The following JARID2 variants were observed in gnomAD, a reference collection of about 807,000 sequenced individuals.
JARID2 encodes jumonji and AT-rich interaction domain containing 2.
A neutral mutation model predicts 125.6 loss-of-function variants in JARID2; 21 were observed. The ratio of observed to expected loss-of-function variants is 0.17; its 90% CI spans 0.12 to 0.24. The LOEUF (loss-of-function observed/expected upper bound fraction) is 0.24, where lower values mean the gene tolerates loss of function less well. JARID2 is among the 10% of genes least tolerant of loss of function. The pLI, the probability that JARID2 is intolerant of heterozygous loss-of-function variation, is 1.00. For synonymous variants in JARID2, 736 were observed against 661.6 expected (o/e 1.11, Z -1.73); for missense variants, 1,303 against 1,639.6 (o/e 0.79, Z 3.55).
chr6:15,390,708 G>C (rs1042818479), intron 2 of JARID2, among the ~76,000 whole-genome samples: 28 of 152,114 alleles, frequency 1.8e-4, no homozygotes, highest in Admixed American at 1.6e-3. Context: ...GTTGTCCTTG[G>C]ATCCATGAAT....
At chr6:15,434,353 CAG>C (rs1208626186) in intron 3 of JARID2, among the ~76,000 whole-genome samples, 1 of 152,062 alleles carries the variant, frequency 6.6e-6, no homozygotes, top group Non-Finnish European at 1.5e-5. Flanking sequence ...TGGTATCTTT[CAG>C]AGAGTGTTGC....
chr6:15,268,203 G>C (rs555792814), intron 1 of JARID2, among the ~76,000 whole-genome samples: 3 of 152,294 alleles, frequency 2.0e-5, no homozygotes, highest in East Asian at 3.9e-4. Context: ...CGTAAGGGTA[G>C]AGCTAGATTT....
At chr6:15,359,332 C>T (rs555170368) in intron 1 of JARID2, among the ~76,000 whole-genome samples, 21 of 152,178 alleles carry the variant, frequency 1.4e-4, no homozygotes, top group Non-Finnish European at 2.8e-4. Context: ...GCTTTTCTGA[C>T]GGTATGTCCT....
intron 1 of JARID2, among the ~76,000 whole-genome samples, chr6:15,299,707 G>A (rs1208421370): frequency 6.6e-6 from 1 of 152,148 alleles, no homozygotes; most frequent in Non-Finnish European, 1.5e-5. Flanking sequence ...ATGGTTCTCA[G>A]TGGCAGTTCG....
At chr6:15,514,642 A>G (rs1441925586) in intron 16 of JARID2, among the ~76,000 whole-genome samples, 2 of 151,902 alleles carry the variant, frequency 1.3e-5, no homozygotes, top group Non-Finnish European at 2.9e-5. Flanking sequence ...TCAGATCGTC[A>G]GATCAGGGCT....
At chr6:15,458,379 C>A (rs1006356228) in intron 4 of JARID2, among the ~76,000 whole-genome samples, 4 of 152,194 alleles carry the variant, frequency 2.6e-5, no homozygotes, top group Admixed American at 2.6e-4. Flanking sequence ...CATCACAGTT[C>A]AGCGTCACGG....
At chr6:15,356,373 T>C (rs772957576) in intron 1 of JARID2, among the ~76,000 whole-genome samples, 3 of 152,236 alleles carry the variant, frequency 2.0e-5, no homozygotes, top group Non-Finnish European at 1.5e-5. Context: ...CCACAATTGC[T>C]GTATGAGGTT....
chr6:15,381,353 A>G (rs903769359), intron 2 of JARID2, among the ~76,000 whole-genome samples: 4 of 151,570 alleles, frequency 2.6e-5, no homozygotes, highest in African/African-American at 9.7e-5. Flanking sequence ...AAAAAAAAAA[A>G]AAAAAAAAAA....
At chr6:15,281,019 A>G (rs1353414919) in intron 1 of JARID2, among the ~76,000 whole-genome samples, 1 of 152,214 alleles carries the variant, frequency 6.6e-6, no homozygotes, top group Non-Finnish European at 1.5e-5. Context: ...AAATCCAAGC[A>G]GGTATCACAC....
At chr6:15,312,274 C>T (rs911787586) in intron 1 of JARID2, among the ~76,000 whole-genome samples, 5 of 152,138 alleles carry the variant, frequency 3.3e-5, no homozygotes, top group African/African-American at 4.8e-5. Context: ...AGGCTGGGCT[C>T]GAACTCCTGA....
chr6:15,263,074 TTGTGTGTGTGTGTGTGTGTG>T (rs561238062), intron 1 of JARID2, among the ~76,000 whole-genome samples: 20 of 139,718 alleles, frequency 1.4e-4, no homozygotes, highest in Non-Finnish European at 2.5e-4. Flanking sequence ...GGGTGTGTGT[TTGTGTGTGTGTGTGTGTGTG>T]TGTGTGTGTG....
chr6:15,465,624 C>T (rs1768685538), intron 4 of JARID2, among the ~76,000 whole-genome samples: 2 of 151,076 alleles, frequency 1.3e-5, no homozygotes, highest in Non-Finnish European at 3.0e-5. Context: ...ATATTTGCTT[C>T]ATGCTGCTTC....
At chr6:15,375,957 G>A (rs1764338134) in intron 2 of JARID2, among the ~76,000 whole-genome samples, 1 of 152,196 alleles carries the variant, frequency 6.6e-6, no homozygotes, top group African/African-American at 2.4e-5. Context: ...CAGATGTTCA[G>A]GATTTAATAA....
intron 5 of JARID2, among the ~76,000 whole-genome samples, chr6:15,477,508 T>G (rs1348287618): frequency 2.1e-4 from 4 of 19,372 alleles, no homozygotes; most frequent in Non-Finnish European, 2.6e-4. Flanking sequence ...GTGTTGGTTT[T>G]TTTTTTTTTT....
intron 1 of JARID2, among the ~76,000 whole-genome samples, chr6:15,346,525 T>C (rs1005501191): frequency 2.6e-5 from 4 of 152,122 alleles, no homozygotes; most frequent in African/African-American, 4.8e-5. Flanking sequence ...TAGGCTTTGG[T>C]GTGGCTTTTT....
chr6:15,503,695 G>A (rs1260242890), intron 8 of JARID2, among the ~76,000 whole-genome samples: 1 of 152,192 alleles, frequency 6.6e-6, no homozygotes, highest in Admixed American at 6.5e-5. Flanking sequence ...CACCATAGGT[G>A]CTCAGGAGAT....
At chr6:15,313,333 C>T (rs1473228192) in intron 1 of JARID2, among the ~76,000 whole-genome samples, 3 of 152,148 alleles carry the variant, frequency 2.0e-5, no homozygotes, top group African/African-American at 7.2e-5. Context: ...ATGAAGAAAG[C>T]GCTGTGGCTG....
chr6:15,298,573 G>C (rs540439346), intron 1 of JARID2, among the ~76,000 whole-genome samples: 1 of 151,876 alleles, frequency 6.6e-6, no homozygotes, highest in East Asian at 1.9e-4. Flanking sequence ...CCAGCTACCC[G>C]GGAGGCTGAG....
intron 1 of JARID2, among the ~76,000 whole-genome samples, chr6:15,278,902 C>T (rs931230583): frequency 6.6e-6 from 1 of 152,128 alleles, no homozygotes; most frequent in Admixed American, 6.5e-5. Flanking sequence ...AACCCTGTCT[C>T]TACTAAAAAT....
Sources: gnomAD v4.1 joint callset for allele counts (sites outside exome capture counted in the v4.1 genomes callset) on GRCh38, gnomAD v4.1.1 for gene constraint, MANE v1.5 for transcripts, NCBI Gene and HGNC (gene_info 2026-07-23, HGNC 2026-07-21) for gene names.